RTN4IP1: variants seen among roughly 807,000 people sequenced by gnomAD.
The protein encoded by RTN4IP1 is reticulon 4 interacting protein 1, also known as NAD(P)H oxidoreductase RTN4IP1, mitochondrial.
A neutral mutation model predicts 46.6 loss-of-function variants in RTN4IP1; 32 were observed. The ratio of observed to expected loss-of-function variants is 0.69; its 90% CI spans 0.52 to 0.92. The LOEUF is 0.92. RTN4IP1 is among the 40% of genes least tolerant of loss of function. The probability of loss-of-function intolerance (pLI) is 0.00; values close to 1 mark genes in which losing one functional copy is unlikely to be tolerated. For missense variants in RTN4IP1, 424 were observed against 485.8 expected (o/e 0.87, Z 1.20); for synonymous variants, 167 against 161.8 (o/e 1.03, Z -0.24).
intron 4 of RTN4IP1, among the ~76,000 whole-genome samples, chr6:106,612,595 A>C (rs1352131069): frequency 6.6e-6 from 1 of 151,272 alleles, no homozygotes; most frequent in Non-Finnish European, 1.5e-5. Flanking sequence ...TTAATATGTC[A>C]GTATGTTCAA....
At chr6:106,599,448 T>G (rs570054705) in intron 5 of RTN4IP1, among the ~76,000 whole-genome samples, 9 of 95,426 alleles carry the variant, frequency 9.4e-5, no homozygotes, top group African/African-American at 2.6e-4. Flanking sequence ...GTAACCCTTT[T>G]TGCTTTTTTT....
intron 5 of RTN4IP1, among the ~76,000 whole-genome samples, chr6:106,598,903 T>G (rs982193514): frequency 3.3e-5 from 5 of 152,090 alleles, no homozygotes; most frequent in African/African-American, 1.2e-4. Context: ...CCATGCATTT[T>G]GTTTCTATTA....
At position 106,628,836 on chromosome 6, in the gene RTN4IP1, G is replaced by T; in HGVS notation, c.186C>A (p.Asn62Lys). The T allele has an allele frequency of 6.2e-7, 1 of 1,614,084 alleles. No individual in the cohort carries two copies. The highest frequency in any genetic ancestry group is 8.5e-7 in the Non-Finnish European group (1 of 1,179,948). Residue 62 changes from asparagine (N) to lysine (K), a missense_variant, in exon 1 of 9, where the codon AAC becomes AAA. Coordinates refer to ENST00000369063, the MANE Select transcript of RTN4IP1 (RefSeq NM_032730.5). ...GKNEVLRFTQ[N>K]MMMPIIHYPN... ...GATAGTGTATGATAGGCATCATCAT[G>T]TTCTGAGTGAATCGAAGCACTTCAT...
At chr6:106,625,567 G>A (rs1405781652) in intron 1 of RTN4IP1, among the ~76,000 whole-genome samples, 1 of 151,848 alleles carries the variant, frequency 6.6e-6, no homozygotes, top group African/African-American at 2.4e-5. Flanking sequence ...CTTTAAAACA[G>A]TTTTGTTGCA....
upstream of RTN4IP1, chr6:106,629,614 A>C: frequency 1.3e-6 from 2 of 1,552,732 alleles, no homozygotes; most frequent in Non-Finnish European, 8.7e-7. Context: ...ATGTAACATC[A>C]CTAGCGACCG....
intron 4 of RTN4IP1, among the ~76,000 whole-genome samples, chr6:106,616,651 C>T (rs1776364774): frequency 6.6e-6 from 1 of 152,208 alleles, no homozygotes; most frequent in Middle Eastern, 3.4e-3. Flanking sequence ...AATGAATAGT[C>T]AAATGGAAAA....
chr6:106,573,237 AAT>A (rs1231647805), intron 8 of RTN4IP1, among the ~76,000 whole-genome samples: 1 of 152,224 alleles, frequency 6.6e-6, no homozygotes, highest in Non-Finnish European at 1.5e-5. Context: ...AGCAAAAATC[AAT>A]AGTTATCCAC....
chr6:106,616,344 G>C (rs976393011), intron 4 of RTN4IP1, among the ~76,000 whole-genome samples: 1 of 152,112 alleles, frequency 6.6e-6, no homozygotes, highest in South Asian at 2.1e-4. Context: ...AGAACAAAGG[G>C]GGAAAAAGGT....
At chr6:106,618,054 A>G (rs1490710291) in intron 4 of RTN4IP1, among the ~76,000 whole-genome samples, 1 of 152,230 alleles carries the variant, frequency 6.6e-6, no homozygotes, top group Admixed American at 6.5e-5. Context: ...CTTAAAAAGT[A>G]AACAGGGTTG....
intron 4 of RTN4IP1, among the ~76,000 whole-genome samples, chr6:106,612,279 C>T (rs913353262): frequency 2.0e-4 from 30 of 148,156 alleles, no homozygotes; most frequent in East Asian, 1.0e-3. Flanking sequence ...CCCAGCTACT[C>T]GGGAGGCTGA....
intron 8 of RTN4IP1, among the ~76,000 whole-genome samples, chr6:106,577,340 TG>T (rs553112084): frequency 7.3e-6 from 1 of 136,148 alleles, no homozygotes. Flanking sequence ...TAGTGCTATA[TG>T]GGGGGCTGAG....
intron 6 of RTN4IP1, among the ~76,000 whole-genome samples, chr6:106,588,388 T>C (rs749420777): frequency 6.6e-6 from 1 of 152,250 alleles, no homozygotes; most frequent in Non-Finnish European, 1.5e-5. Context: ...GATTTGCTTT[T>C]ATTCTCTTTA....
intron 1 of RTN4IP1, among the ~76,000 whole-genome samples, chr6:106,624,103 T>A (rs900639247): frequency 4.6e-5 from 7 of 152,324 alleles, no homozygotes; most frequent in Middle Eastern, 3.4e-3. Context: ...GTCATGAGGC[T>A]GGAGTGCAGT....
intron 8 of RTN4IP1, among the ~76,000 whole-genome samples, chr6:106,572,906 A>G (rs1045290803): frequency 3.3e-5 from 5 of 152,186 alleles, no homozygotes; most frequent in Admixed American, 2.0e-4. Context: ...GCATAATGCT[A>G]GACATACAGT....
chr6:106,576,852 A>T (rs1004421767), intron 8 of RTN4IP1, among the ~76,000 whole-genome samples: 1 of 152,242 alleles, frequency 6.6e-6, no homozygotes, highest in Admixed American at 6.5e-5. Flanking sequence ...TCTAGAGGAC[A>T]GGCTGCTCAA....
intron 3 of RTN4IP1, among the ~76,000 whole-genome samples, chr6:106,621,032 G>A (rs1272033803): frequency 6.6e-6 from 1 of 151,894 alleles, no homozygotes; most frequent in Non-Finnish European, 1.5e-5. Context: ...TCAATTTGTT[G>A]GTCTCCTGAC....
At chr6:106,620,715 T>C (rs1214075904) in intron 3 of RTN4IP1, among the ~76,000 whole-genome samples, 2 of 152,250 alleles carry the variant, frequency 1.3e-5, no homozygotes, top group East Asian at 1.9e-4. Flanking sequence ...AAATATTGTA[T>C]AGAATAGCTC....
chr6:106,627,893 C>A (rs1185058824), intron 1 of RTN4IP1, among the ~76,000 whole-genome samples: 1 of 144,952 alleles, frequency 6.9e-6, no homozygotes, highest in Non-Finnish European at 1.5e-5. Flanking sequence ...CACAGTGAAA[C>A]TCCCGTTTCT....
At chr6:106,609,783 G>C (rs1562148379) in intron 4 of RTN4IP1, among the ~76,000 whole-genome samples, 1 of 152,264 alleles carries the variant, frequency 6.6e-6, no homozygotes, top group East Asian at 1.9e-4. Context: ...TATAACTCTT[G>C]ATCCAAAGCA....
Sources: allele counts gnomAD v4.1 joint callset (sites outside exome capture counted in the v4.1 genomes callset), GRCh38; gene constraint gnomAD v4.1.1; transcripts MANE v1.5; gene names NCBI Gene and HGNC (gene_info 2026-07-23, HGNC 2026-07-21).